The following GRIK2 variants were observed in gnomAD, a reference collection of about 807,000 sequenced individuals.
GRIK2 encodes glutamate ionotropic receptor kainate type subunit 2, also known as glutamate receptor ionotropic, kainate 2.
In GRIK2, 32 loss-of-function variants were observed where a neutral mutation model predicts 100.3. The ratio of observed to expected loss-of-function variants is 0.32; its 90% confidence interval spans 0.24 to 0.43. The LOEUF is 0.43. Among genes scored for constraint, GRIK2 ranks in the 20% least tolerant of loss-of-function variants. The pLI is 1.00. For synonymous variants in GRIK2, 417 were observed against 389.4 expected, an observed-to-expected ratio of 1.07 and a Z score of -0.83; for missense variants, 843 against 1,114.9, an observed-to-expected ratio of 0.76 and a Z score of 3.47.
intron 11 of GRIK2, among the ~76,000 whole-genome samples, chr6:101,876,468 T>G (rs1785846979): frequency 7.2e-6 from 1 of 138,328 alleles, no homozygotes; most frequent in Non-Finnish European, 1.5e-5. Flanking sequence ...TATGGTTTCC[T>G]TAGAAAACAA....
chr6:101,454,311 C>A (rs1770876457), intron 2 of GRIK2, among the ~76,000 whole-genome samples: 1 of 152,024 alleles, frequency 6.6e-6, no homozygotes, highest in Non-Finnish European at 1.5e-5. Flanking sequence ...ATCATAGATT[C>A]TAGTGATACT....
intron 7 of GRIK2, among the ~76,000 whole-genome samples, chr6:101,716,206 A>G (rs1283262289): frequency 6.6e-6 from 1 of 151,734 alleles, no homozygotes; most frequent in African/African-American, 2.4e-5. Context: ...ATGGTGTTTA[A>G]TTAATAATCA....
intron 2 of GRIK2, among the ~76,000 whole-genome samples, chr6:101,532,892 TA>T (rs1775512714): frequency 6.6e-6 from 1 of 151,900 alleles, no homozygotes; most frequent in Admixed American, 6.6e-5. Context: ...TACACATTTT[TA>T]TATCTTTAGT....
chr6:101,446,594 C>T (rs1770393929), intron 2 of GRIK2, among the ~76,000 whole-genome samples: 1 of 151,658 alleles, frequency 6.6e-6, no homozygotes, highest in South Asian at 2.1e-4. Context: ...CAAGCTCTTG[C>T]TAGTAAGACA....
intron 2 of GRIK2, among the ~76,000 whole-genome samples, chr6:101,614,361 A>G (rs920377612): frequency 6.6e-6 from 1 of 151,774 alleles, no homozygotes; most frequent in Non-Finnish European, 1.5e-5. Flanking sequence ...ATAAACACTC[A>G]TAAGCACTTT....
chr6:101,565,006 A>G (rs552353179), intron 2 of GRIK2, among the ~76,000 whole-genome samples: 1 of 152,124 alleles, frequency 6.6e-6, no homozygotes, highest in Non-Finnish European at 1.5e-5. Flanking sequence ...AATATGTCTC[A>G]GGAATGAGGC....
At chr6:101,911,498 A>T (rs578109449) in intron 12 of GRIK2, among the ~76,000 whole-genome samples, 2 of 151,512 alleles carry the variant, frequency 1.3e-5, no homozygotes, top group African/African-American at 4.8e-5. Context: ...ATTTTGGGAG[A>T]TGCTGACTTA....
chr6:101,661,990 C>G (rs750067623), intron 4 of GRIK2, among the ~76,000 whole-genome samples: 2 of 152,178 alleles, frequency 1.3e-5, no homozygotes, highest in Non-Finnish European at 2.9e-5. Context: ...AGTGATTTCA[C>G]AGTGGGCAGG....
chr6:101,420,180 A>G (rs1301882798), intron 2 of GRIK2, among the ~76,000 whole-genome samples: 1 of 152,182 alleles, frequency 6.6e-6, no homozygotes, highest in Non-Finnish European at 1.5e-5. Flanking sequence ...AAAACTGAGG[A>G]TACAGAAAGA....
intron 2 of GRIK2, among the ~76,000 whole-genome samples, chr6:101,423,662 TG>T (rs767456597): frequency 3.3e-5 from 5 of 152,208 alleles, no homozygotes; most frequent in Non-Finnish European, 5.9e-5. Context: ...TTGTTATTTT[TG>T]CTATTGAGTT....
chr6:101,869,025 A>G (rs949417549), intron 11 of GRIK2, among the ~76,000 whole-genome samples: 1 of 151,866 alleles, frequency 6.6e-6, no homozygotes, highest in Non-Finnish European at 1.5e-5. Flanking sequence ...GTCAAGGGAA[A>G]GGGTCAGGGA....
intron 16 of GRIK2, among the ~76,000 whole-genome samples, chr6:102,065,118 C>CCA (rs1771952351): frequency 6.6e-6 from 1 of 151,138 alleles, no homozygotes; most frequent in South Asian, 2.1e-4. Context: ...CATTGATTGA[C>CCA]TTATGAAAGA....
At chr6:101,430,981 G>A (rs1390361027) in intron 2 of GRIK2, 1 of 272,900 alleles carries the variant, frequency 3.7e-6, no homozygotes. Flanking sequence ...CTGTGTAAGT[G>A]ACCCCATCTC....
intron 2 of GRIK2, among the ~76,000 whole-genome samples, chr6:101,493,373 C>T (rs199748372): frequency 6.6e-6 from 1 of 152,000 alleles, no homozygotes; most frequent in South Asian, 2.1e-4. Flanking sequence ...ATAGAAAATA[C>T]AGAATGCCTA....
chr6:101,592,787 CTT>C (rs1031078515), intron 2 of GRIK2, among the ~76,000 whole-genome samples: 2 of 150,810 alleles, frequency 1.3e-5, no homozygotes, highest in Non-Finnish European at 3.0e-5. Context: ...GATTAAAACA[CTT>C]AATTTTTAAT....
intron 4 of GRIK2, among the ~76,000 whole-genome samples, chr6:101,640,384 T>G (rs143179523): frequency 1.3e-3 from 204 of 152,318 alleles, no homozygotes; most frequent in African/African-American, 4.7e-3. Flanking sequence ...TAAGTGGCAT[T>G]GTTCACTTCC....
Position 101,686,286 on chromosome 6 carries a change from A to G in GRIK2, c.884A>G (p.Lys295Arg). Residue 295 changes from lysine to arginine, a missense_variant, in exon 7 of 17, where the codon AAG becomes AGG. Around this residue, in one of 3 missense-constraint regions of GRIK2, gnomAD observed 519 missense variants for 643.8 expected, o/e 0.81. Transcript: ENST00000369134. ...ACCCAAGTCTCCTCCATCATTGAAA[A>G]GTGGTCGATGGAACGATTGCAGGCA... ...ENTQVSSIIE[K>R]WSMERLQAPP... 1 of 1,613,386 alleles carries G rather than the reference A, an allele frequency of 6.2e-7. No individual in the cohort carries two copies. Among genetic ancestry groups the G allele is most frequent in the Non-Finnish European group, 8.5e-7 (1 of 1,179,396 alleles).
At chr6:101,984,494 T>TAAGA (rs1793901400) in intron 14 of GRIK2, among the ~76,000 whole-genome samples, 1 of 151,604 alleles carries the variant, frequency 6.6e-6, no homozygotes. Flanking sequence ...ACTGAACATC[T>TAAGA]AAGATTCCTT....
chr6:101,896,379 G>A (rs532921856), intron 12 of GRIK2, among the ~76,000 whole-genome samples: 4 of 151,830 alleles, frequency 2.6e-5, no homozygotes, highest in Admixed American at 6.6e-5. Context: ...ACATTTACAG[G>A]TGTAAAAGAT....
Sources: allele counts gnomAD v4.1 joint callset (sites outside exome capture counted in the v4.1 genomes callset), GRCh38; gene constraint gnomAD v4.1.1; regional missense constraint gnomAD v4.1.1; transcripts MANE v1.5; gene names NCBI Gene and HGNC (gene_info 2026-07-23, HGNC 2026-07-21).